Variants in ARSB observed in about 807,000 individuals in gnomAD.
ARSB encodes the protein N-acetylgalactosamine-4-sulfatase.
Under a neutral mutation model 50.9 loss-of-function variants are expected in ARSB, and 41 were observed. The ratio of observed to expected loss-of-function variants is 0.81; its 90% CI spans 0.63 to 1.04. The LOEUF is 1.04. Ranked by LOEUF, ARSB falls within the 50% of genes least tolerant of loss-of-function variation. The pLI is 0.00. For synonymous variants in ARSB, 269 were observed against 284.8 expected, an observed-to-expected ratio of 0.94 and a Z score of 0.56; for missense variants, 672 against 693.3, an observed-to-expected ratio of 0.97 and a Z score of 0.35.
rs150764072 is a variant in ARSB at position 78,893,778 on chromosome 5, C to T, written c.899-7951G>A. On this transcript the variant is annotated intron_variant, in intron 4 of 7. Transcript: ENST00000264914. The stretch of plus-strand genomic sequence containing the variant: ...TATGGGTAATGCAAGGTTTGATCTT[C>T]ATATTCAGAATCCCCCTGACAAGTA... Among the ~76,000 whole-genome samples, 600 of 152,314 alleles carry T rather than the reference C, an allele frequency of 3.9e-3. 2 individuals are homozygous for T. The highest frequency in any genetic ancestry group is 0.017 in the Middle Eastern group (5 of 294).
Position 78,930,201 on chromosome 5 carries a change from C to T in ARSB, c.898+25094G>A, listed in dbSNP as rs71634943. Among the ~76,000 whole-genome samples, 82 of 152,252 alleles carry T rather than the reference C, an allele frequency of 5.4e-4. 1 individual carries two copies. Among genetic ancestry groups the T allele is most frequent in the Non-Finnish European group, 1.1e-3 (72 of 68,030 alleles). ...GGCAACCTACGGCCAGCACTGTCAG[C>T]GCAAACACAGCACTCCCTTTGTTCC... On this transcript the variant is annotated intron_variant, in intron 4 of 7. Coordinates refer to ENST00000264914, the MANE Select transcript of ARSB (RefSeq NM_000046.5).
intron 5 of ARSB, among the ~76,000 whole-genome samples, chr5:78,853,057 C>T (rs1332551884): frequency 1.3e-5 from 2 of 152,242 alleles, no homozygotes; most frequent in Admixed American, 6.5e-5. Context: ...TTTCTCAACT[C>T]GTCAAAGTAA....
At chr5:78,797,101 A>G (rs1217627261) in intron 6 of ARSB, among the ~76,000 whole-genome samples, 1 of 151,948 alleles carries the variant, frequency 6.6e-6, no homozygotes, top group South Asian at 2.1e-4. Context: ...GATGGTCTCG[A>G]TCTCCTGACC....
intron 6 of ARSB, among the ~76,000 whole-genome samples, chr5:78,838,298 T>C (rs1316881697): frequency 3.9e-5 from 6 of 151,958 alleles, no homozygotes; most frequent in Admixed American, 2.6e-4. Context: ...GTAGGGAAAA[T>C]GTGTTTCAGG....
intron 4 of ARSB, among the ~76,000 whole-genome samples, chr5:78,912,274 T>C (rs1472332923): frequency 6.6e-6 from 1 of 152,160 alleles, no homozygotes; most frequent in Admixed American, 6.5e-5. Flanking sequence ...CCTTAAGAGA[T>C]CACAGGCAGG....
At chr5:78,964,073 C>A (rs7710725) in intron 3 of ARSB, among the ~76,000 whole-genome samples, 1 of 152,048 alleles carries the variant, frequency 6.6e-6, no homozygotes, top group Admixed American at 6.6e-5. Flanking sequence ...ACGTAATATA[C>A]CAAAATTTTT....
rs771587875 is a variant in ARSB at position 78,968,988 on chromosome 5, CAT to C, written c.499+16_499+17del. On this transcript the variant is annotated intron_variant, in intron 2 of 7. Coordinates refer to ENST00000264914, the MANE Select transcript of ARSB (RefSeq NM_000046.5). ...CAGTTAGTCTAAGTTGTTAAAGAAA[CAT>C]GTGCATTTCCATTACCAAAGTAGGT... 6.3e-5 allele frequency: 102 copies of C among 1,613,696 alleles called. No individual in the cohort carries two copies. The highest frequency in any genetic ancestry group is 9.9e-5 in the South Asian group (9 of 91,070).
At chr5:78,867,648 G>A (rs182431624) in intron 5 of ARSB, among the ~76,000 whole-genome samples, 32 of 152,182 alleles carry the variant, frequency 2.1e-4, no homozygotes, top group African/African-American at 6.5e-4. Context: ...AAAGGACACC[G>A]AAAACCCATC....
At chr5:78,958,682 C>T (rs1301455573) in intron 3 of ARSB, among the ~76,000 whole-genome samples, 1 of 151,842 alleles carries the variant, frequency 6.6e-6, no homozygotes, top group Non-Finnish European at 1.5e-5. Flanking sequence ...ACTTCTGTTT[C>T]TTAGATTATA....
intron 6 of ARSB, among the ~76,000 whole-genome samples, chr5:78,809,820 A>G (rs1743741949): frequency 6.6e-6 from 1 of 152,210 alleles, no homozygotes; most frequent in African/African-American, 2.4e-5. Flanking sequence ...CTTGAACCCC[A>G]GCCTGCTGAC....
intron 2 of ARSB, among the ~76,000 whole-genome samples, chr5:78,965,950 GTTAA>G (rs1169255759): frequency 6.6e-6 from 1 of 152,164 alleles, no homozygotes; most frequent in Non-Finnish European, 1.5e-5. Flanking sequence ...CAAAGTACTT[GTTAA>G]TTAATGTGTA....
rs771825167 is a variant in ARSB, at chr5:78,955,519, T to C, written c.691-17A>G. The C allele has an allele frequency of 6.2e-7, 1 of 1,604,852 alleles. No homozygotes were observed. The highest frequency in any genetic ancestry group is 1.1e-5 in the South Asian group (1 of 90,844). On this transcript the variant is annotated splice_polypyrimidine_tract_variant and intron_variant, in intron 3 of 7. Coordinates refer to ENST00000264914, the MANE Select transcript of ARSB (RefSeq NM_000046.5). ...AAACAGAGGCTGGAAAGAAAGTTTG[T>C]GCAAACCAGTTAAGAGGATATTGAA...
chr5:78,820,869 AC>A lies in ARSB; in HGVS notation c.1213+18486del, dbSNP rs572227024. On this transcript the variant is annotated intron_variant, in intron 6 of 7. Coordinates refer to ENST00000264914, the MANE Select transcript of ARSB (RefSeq NM_000046.5). ...GGGGCTCACTAGCCCCTGGTTGAAA[AC>A]CACTGATTTATACTTACGGATCTGG... is the stretch of plus-strand genomic sequence containing the variant. 4.2e-3 allele frequency among the ~76,000 whole-genome samples: 633 copies of A among 152,078 alleles called. 3 individuals are homozygous for A. Among genetic ancestry groups the A allele is most frequent in the Non-Finnish European group, 4.7e-3 (320 of 67,982 alleles).
chr5:78,912,068 A>G (rs1442755529), intron 4 of ARSB, among the ~76,000 whole-genome samples: 1 of 152,206 alleles, frequency 6.6e-6, no homozygotes, highest in African/African-American at 2.4e-5. Context: ...AATATCCACT[A>G]TAAGAAACTA....
At chr5:78,853,378 G>A (rs767082693) in intron 5 of ARSB, among the ~76,000 whole-genome samples, 36 of 152,170 alleles carry the variant, frequency 2.4e-4, no homozygotes, top group Non-Finnish European at 4.1e-4. Flanking sequence ...GCGGATTTTC[G>A]TGAACCATGA....
rs1252916234 is a variant in ARSB at position 78,955,335 on chromosome 5, G to A, written c.858C>T (p.Ser286=). ...AVGNVTAALK[S]SGLWNNTVFI... is the part of the protein sequence containing the mutation. The stretch of plus-strand genomic sequence containing the variant: ...ACACCGTGTTGTTCCAGAGCCCACT[G>A]CTTTTTAAAGCTGCAGTGACATTTC... Residue 286 remains serine (S), a synonymous_variant, in exon 4 of 8, where the codon AGC becomes AGT. Transcript: ENST00000264914. 1.2e-6 allele frequency: 2 copies of A among 1,614,186 alleles called. No homozygotes were observed. Among genetic ancestry groups the A allele is most frequent in the Non-Finnish European group, 8.5e-7 (1 of 1,180,036 alleles).
chr5:78,861,879 A>C (rs759364526), intron 5 of ARSB, among the ~76,000 whole-genome samples: 30 of 152,214 alleles, frequency 2.0e-4, no homozygotes, highest in African/African-American at 5.3e-4. Flanking sequence ...ATCTCAGCCC[A>C]AAATCTCCTT....
At chr5:78,968,230 C>A (rs1580141697) in intron 2 of ARSB, among the ~76,000 whole-genome samples, 1 of 147,734 alleles carries the variant, frequency 6.8e-6, no homozygotes. Flanking sequence ...CCACCCCCTT[C>A]AAAAAAAAAG....
chr5:78,808,234 C>T (rs1267764359), intron 6 of ARSB, among the ~76,000 whole-genome samples: 1 of 151,770 alleles, frequency 6.6e-6, no homozygotes, highest in Non-Finnish European at 1.5e-5. Flanking sequence ...TACCTCCCAC[C>T]CCCTCCTCCC....
Sources: gnomAD v4.1 joint callset for allele counts (sites outside exome capture counted in the v4.1 genomes callset) on GRCh38, gnomAD v4.1.1 for gene constraint, MANE v1.5 for transcripts, NCBI Gene and HGNC (gene_info 2026-07-23, HGNC 2026-07-21) for gene names.